The following EMCN variants were observed in gnomAD, a reference collection of about 807,000 sequenced individuals.
The protein encoded by EMCN is MUC-14.
A neutral mutation model predicts 38.4 loss-of-function variants in EMCN; 37 were observed. The observed-to-expected ratio is 0.96, with a 90% CI of 0.74 to 1.27. The LOEUF (loss-of-function observed/expected upper bound fraction) is 1.27. Among genes scored for constraint, EMCN ranks in the 50% most tolerant of loss-of-function variants. The pLI, the probability that EMCN is intolerant of heterozygous loss-of-function variation, is 0.00. For missense variants in EMCN, 318 were observed against 302.8 expected, an observed-to-expected ratio of 1.05 and a Z score of -0.37; for synonymous variants, 95 against 100.8, an observed-to-expected ratio of 0.94 and a Z score of 0.35.
rs560714882 is a variant in EMCN at position 100,484,243 on chromosome 4, A to G, written c.65-4204T>C. Among the ~76,000 whole-genome samples the G allele has an allele frequency of 4.6e-3, 695 of 152,306 alleles. 1 individual carries two copies. The highest frequency in any genetic ancestry group is 7.9e-3 in the Non-Finnish European group (538 of 68,018). On this transcript the variant is annotated intron_variant, in intron 1 of 11. Coordinates refer to ENST00000296420, the MANE Select transcript of EMCN (RefSeq NM_016242.4). ...ATATAGGAAATTCCCAAATGTGCAC[A>G]TATAGGGTCTTTAATGTGAACTTGC...
At chr4:100,429,244 TAATC>T in intron 5 of EMCN, among the ~76,000 whole-genome samples, 1 of 152,140 alleles carries the variant, frequency 6.6e-6, no homozygotes, top group African/African-American at 2.4e-5. Context: ...GAGAGGAAAA[TAATC>T]TATTATATAA....
intron 5 of EMCN, among the ~76,000 whole-genome samples, chr4:100,445,524 CT>C (rs201821016): frequency 0.022 from 3,338 of 152,166 alleles, 47 homozygotes; most frequent in Non-Finnish European, 0.035. Flanking sequence ...TCCATATTTG[CT>C]TATATTTATA....
intron 1 of EMCN, among the ~76,000 whole-genome samples, chr4:100,510,062 A>T (rs1477738081): frequency 6.6e-6 from 1 of 152,216 alleles, no homozygotes; most frequent in Non-Finnish European, 1.5e-5. Flanking sequence ...CAATTTGAAC[A>T]TACTTAGAAG....
chr4:100,455,107 G>A (rs567652220), intron 4 of EMCN, among the ~76,000 whole-genome samples: 13 of 151,490 alleles, frequency 8.6e-5, no homozygotes, highest in African/African-American at 2.7e-4. Context: ...TCTGTTCTCT[G>A]TTTCTTTTTT....
chr4:100,480,405 T>G (rs967134437), intron 1 of EMCN, among the ~76,000 whole-genome samples: 2 of 152,004 alleles, frequency 1.3e-5, no homozygotes, highest in African/African-American at 4.8e-5. Context: ...TCACTAAATA[T>G]TTTTACATCA....
At chr4:100,501,809 T>A (rs1234625830) in intron 1 of EMCN, among the ~76,000 whole-genome samples, 3 of 152,032 alleles carry the variant, frequency 2.0e-5, no homozygotes, top group African/African-American at 7.2e-5. Flanking sequence ...ATTGATTTCA[T>A]AAACTTTATA....
intron 10 of EMCN, among the ~76,000 whole-genome samples, chr4:100,412,543 GA>G (rs1726593181): frequency 6.6e-6 from 1 of 152,086 alleles, no homozygotes; most frequent in Admixed American, 6.6e-5. Context: ...TGTCTGAGAT[GA>G]TATAAATAAG....
chr4:100,515,999 GGTTT>G (rs1192031388), intron 1 of EMCN, among the ~76,000 whole-genome samples: 2 of 128,340 alleles, frequency 1.6e-5, no homozygotes, highest in Non-Finnish European at 3.3e-5. Flanking sequence ...GAGTAGGTTT[GGTTT>G]GTTTGTTTGT....
chr4:100,513,814 C>A (rs1016850105), intron 1 of EMCN, among the ~76,000 whole-genome samples: 2 of 152,106 alleles, frequency 1.3e-5, no homozygotes, highest in Non-Finnish European at 2.9e-5. Context: ...AAGAAGGCAA[C>A]TATTTCATTC....
chr4:100,439,303 CTGT>C (rs1727442636), intron 5 of EMCN, among the ~76,000 whole-genome samples: 2 of 151,772 alleles, frequency 1.3e-5, no homozygotes, highest in South Asian at 4.1e-4. Flanking sequence ...TGTTATTGGT[CTGT>C]TGTTCAAGCT....
At chr4:100,517,296 C>T (rs1196141335) in intron 1 of EMCN, among the ~76,000 whole-genome samples, 1 of 152,024 alleles carries the variant, frequency 6.6e-6, no homozygotes, top group Non-Finnish European at 1.5e-5. Flanking sequence ...CATATTTCTT[C>T]AGCAAAAATC....
At chr4:100,486,887 G>T (rs545471376) in intron 1 of EMCN, 9 of 985,304 alleles carry the variant, frequency 9.1e-6, no homozygotes, top group Non-Finnish European at 9.6e-6. Context: ...AAAGTACGGG[G>T]CCATGCAGTT....
intron 3 of EMCN, among the ~76,000 whole-genome samples, chr4:100,467,621 G>A (rs1314742541): frequency 6.8e-6 from 1 of 147,780 alleles, no homozygotes; most frequent in Non-Finnish European, 1.5e-5. Context: ...GGCGGAGCTT[G>A]CAGTGAGCCG....
At chr4:100,459,932 A>T (rs1165977621) in intron 4 of EMCN, among the ~76,000 whole-genome samples, 1 of 152,156 alleles carries the variant, frequency 6.6e-6, no homozygotes, top group Non-Finnish European at 1.5e-5. Flanking sequence ...ATTTCCTTGG[A>T]TATGTACCCA....
chr4:100,506,558 T>G (rs997623718), intron 1 of EMCN, among the ~76,000 whole-genome samples: 1 of 152,090 alleles, frequency 6.6e-6, no homozygotes, highest in African/African-American at 2.4e-5. Context: ...TGAGGGGATA[T>G]GAAGTCCAAT....
At chr4:100,477,693 T>C (rs1293299552) in intron 2 of EMCN, among the ~76,000 whole-genome samples, 1 of 152,228 alleles carries the variant, frequency 6.6e-6, no homozygotes, top group Admixed American at 6.5e-5. Context: ...CAAAGATGCT[T>C]TTCCATGTTG....
intron 3 of EMCN, among the ~76,000 whole-genome samples, chr4:100,466,563 G>T (rs1728322254): frequency 6.6e-6 from 1 of 152,188 alleles, no homozygotes; most frequent in Non-Finnish European, 1.5e-5. Context: ...CAAACAAAAT[G>T]AAACAAATTC....
intron 5 of EMCN, among the ~76,000 whole-genome samples, chr4:100,429,400 C>A (rs574729552): frequency 6.6e-6 from 1 of 152,092 alleles, no homozygotes; most frequent in African/African-American, 2.4e-5. Flanking sequence ...GTGGCTAGTA[C>A]GTATTTTCAC....
intron 5 of EMCN, chr4:100,446,231 G>A: frequency 1.0e-6 from 1 of 984,504 alleles, no homozygotes; most frequent in African/African-American, 1.7e-5. Flanking sequence ...TTCCTCTAGT[G>A]CCTGCCAATT....
Sources: gnomAD v4.1 joint callset for allele counts (sites outside exome capture counted in the v4.1 genomes callset) on GRCh38, gnomAD v4.1.1 for gene constraint, MANE v1.5 for transcripts, NCBI Gene and HGNC (gene_info 2026-07-23, HGNC 2026-07-21) for gene names.